COMMD1: variants seen among roughly 807,000 people sequenced by gnomAD.
The protein encoded by COMMD1 is copper metabolism domain containing 1.
In COMMD1, 10 loss-of-function variants were observed where a neutral mutation model predicts 17.2. That is an observed-to-expected ratio of 0.58 (90% CI 0.36 to 0.99). COMMD1 has a LOEUF of 0.99. Ranked by LOEUF, COMMD1 falls within the 50% of genes least tolerant of loss-of-function variation. The pLI, the probability that COMMD1 is intolerant of heterozygous loss-of-function variation, is 0.01. For synonymous variants in COMMD1, 97 were observed against 91.6 expected (o/e 1.06, Z -0.34); for missense variants, 270 against 231.8 (o/e 1.17, Z -1.07).
At chr2:61,967,084 T>C (rs1223815011) in intron 1 of COMMD1, among the ~76,000 whole-genome samples, 1 of 152,168 alleles carries the variant, frequency 6.6e-6, no homozygotes, top group African/African-American at 2.4e-5. Context: ...CCAGGATCTT[T>C]ATTATAGTGG....
intron 2 of COMMD1, among the ~76,000 whole-genome samples, chr2:62,130,377 T>TGG (rs1218487292): frequency 6.6e-6 from 1 of 151,694 alleles, no homozygotes; most frequent in Non-Finnish European, 1.5e-5. Flanking sequence ...CAGGTTCAAG[T>TGG]GATTCTCCTG....
intron 1 of COMMD1, among the ~76,000 whole-genome samples, chr2:61,906,984 T>G (rs1267999689): frequency 6.6e-6 from 1 of 152,244 alleles, no homozygotes; most frequent in East Asian, 1.9e-4. Flanking sequence ...AAACAAATAT[T>G]TCACACAGTA....
At chr2:62,109,330 A>G (rs1672393627) in intron 2 of COMMD1, among the ~76,000 whole-genome samples, 1 of 152,232 alleles carries the variant, frequency 6.6e-6, no homozygotes, top group South Asian at 2.1e-4. Flanking sequence ...CTTGGGGACA[A>G]TAGAATGGAA....
intron 1 of COMMD1, among the ~76,000 whole-genome samples, chr2:61,941,120 C>T (rs1466806161): frequency 7.3e-5 from 11 of 151,144 alleles, no homozygotes; most frequent in Admixed American, 2.6e-4. Flanking sequence ...CTCCGACTCC[C>T]GGGTTCAAGC....
At chr2:61,891,858 G>A (rs1462308209) in intron 1 of COMMD1, among the ~76,000 whole-genome samples, 1 of 151,532 alleles carries the variant, frequency 6.6e-6, no homozygotes, top group African/African-American at 2.4e-5. Flanking sequence ...TTGAGATGGA[G>A]TCTCGCTCTG....
At chr2:61,944,018 A>G (rs1670839387) in intron 1 of COMMD1, among the ~76,000 whole-genome samples, 1 of 152,184 alleles carries the variant, frequency 6.6e-6, no homozygotes, top group Non-Finnish European at 1.5e-5. Context: ...GGTTGGAAAG[A>G]GCAAAATGCC....
intron 1 of COMMD1, among the ~76,000 whole-genome samples, chr2:61,927,470 G>A (rs1026826388): frequency 3.3e-5 from 5 of 150,072 alleles, no homozygotes; most frequent in Non-Finnish European, 5.9e-5. Flanking sequence ...TCAGCTCACT[G>A]CACACTCCAC....
At chr2:61,941,480 A>G (rs758840510) in intron 1 of COMMD1, among the ~76,000 whole-genome samples, 20 of 152,182 alleles carry the variant, frequency 1.3e-4, no homozygotes, top group Non-Finnish European at 2.4e-4. Context: ...TTATGGACAT[A>G]TTAGGTAGGA....
intron 1 of COMMD1, among the ~76,000 whole-genome samples, chr2:61,975,159 T>G (rs1475002975): frequency 7.2e-6 from 1 of 137,976 alleles, no homozygotes; most frequent in Non-Finnish European, 1.6e-5. Flanking sequence ...ATTATTTGAC[T>G]CTAATTTTCC....
chr2:61,949,981 A>G (rs1194957361), intron 1 of COMMD1, among the ~76,000 whole-genome samples: 2 of 152,220 alleles, frequency 1.3e-5, no homozygotes, highest in Non-Finnish European at 2.9e-5. Context: ...AGGACACAAA[A>G]TGAAACAAAC....
chr2:61,984,092 C>T (rs541053676), intron 1 of COMMD1, among the ~76,000 whole-genome samples: 16 of 152,282 alleles, frequency 1.1e-4, no homozygotes, highest in African/African-American at 3.4e-4. Flanking sequence ...GGCATGATCT[C>T]GGCTCAACTG....
intron 1 of COMMD1, among the ~76,000 whole-genome samples, chr2:61,913,732 C>T (rs553897443): frequency 1.5e-3 from 202 of 136,516 alleles, no homozygotes; most frequent in Non-Finnish European, 2.6e-3. Flanking sequence ...GGAGGCAGAG[C>T]GTACAGTGAG....
intron 1 of COMMD1, among the ~76,000 whole-genome samples, chr2:61,948,319 C>T (rs1211195436): frequency 1.3e-5 from 2 of 152,128 alleles, no homozygotes; most frequent in South Asian, 2.1e-4. Context: ...CTATGTCCTG[C>T]AGGCATTAAC....
chr2:62,064,472 T>A (rs551442501), intron 2 of COMMD1, among the ~76,000 whole-genome samples: 49 of 152,220 alleles, frequency 3.2e-4, no homozygotes, highest in African/African-American at 1.2e-3. Context: ...CCATGCCGGG[T>A]CCATAGTAGC....
intron 2 of COMMD1, among the ~76,000 whole-genome samples, chr2:62,018,494 T>G (rs913203283): frequency 5.3e-5 from 8 of 152,258 alleles, no homozygotes; most frequent in Admixed American, 2.6e-4. Context: ...CAAGCTAAAT[T>G]GCACTTACTT....
Position 62,104,360 on chromosome 2 carries a change from G to T in COMMD1, c.463-31471G>T, listed in dbSNP as rs187284154. 2.0e-5 allele frequency among the ~76,000 whole-genome samples: 3 copies of T among 152,042 alleles called. No individual in the cohort carries two copies. The East Asian group carries it at 5.8e-4, about 30-fold the overall frequency. ...TTTAGAAGAAAACAACAGGCCAGGC[G>T]CAGTGGCTCACGCCTGTAATCCCAG... is the stretch of plus-strand genomic sequence containing the variant. On this transcript the variant is annotated intron_variant, in intron 2 of 2. Transcript: ENST00000311832.
chr2:61,980,108 A>G (rs1671916843), intron 1 of COMMD1, among the ~76,000 whole-genome samples: 1 of 7,482 alleles, frequency 1.3e-4, no homozygotes, highest in Non-Finnish European at 2.7e-4. Flanking sequence ...ATAGTATTCC[A>G]TGGTGTATAT....
intron 2 of COMMD1, among the ~76,000 whole-genome samples, chr2:62,077,871 A>C (rs1401818514): frequency 6.6e-6 from 1 of 152,068 alleles, no homozygotes; most frequent in Non-Finnish European, 1.5e-5. Context: ...GACAACTTGA[A>C]GTGGGGTGGG....
intron 2 of COMMD1, among the ~76,000 whole-genome samples, chr2:62,002,134 C>T (rs903466857): frequency 2.6e-5 from 4 of 151,512 alleles, no homozygotes; most frequent in African/African-American, 9.7e-5. Flanking sequence ...CATGCCATTG[C>T]ACTCCAGCCT....
Sources: gnomAD v4.1 joint callset for allele counts (sites outside exome capture counted in the v4.1 genomes callset) on GRCh38, gnomAD v4.1.1 for gene constraint, MANE v1.5 for transcripts, NCBI Gene and HGNC (gene_info 2026-07-23, HGNC 2026-07-21) for gene names.